NHLRC2: variants seen among roughly 807,000 people sequenced by gnomAD.
NHLRC2 encodes NHL repeat containing 2, also known as NHL repeat-containing protein 2.
NHLRC2 carries 33 observed loss-of-function variants against 68.1 expected under a neutral mutation model. The observed-to-expected ratio is 0.48, with a 90% CI of 0.37 to 0.65. The LOEUF (loss-of-function observed/expected upper bound fraction) is 0.65, where lower values mean the gene tolerates loss of function less well. NHLRC2 is among the 30% of genes least tolerant of loss of function. NHLRC2 has a pLI of 0.00. For synonymous variants in NHLRC2, 311 were observed against 309.6 expected (o/e 1.00, Z -0.05); for missense variants, 761 against 853.8 (o/e 0.89, Z 1.35).
intron 5 of NHLRC2, among the ~76,000 whole-genome samples, chr10:113,891,212 C>T (rs1000904348): frequency 6.6e-6 from 1 of 152,162 alleles, no homozygotes; most frequent in Admixed American, 6.5e-5. Flanking sequence ...CTTACAGATT[C>T]ATCTCTGCTG....
rs114162728 is a variant in NHLRC2 at position 113,883,915 on chromosome 10, T to C, written c.910-336T>C. ...AACTGAAATATGTGCATTTAATTTT[T>C]AGAAACATGTATTTTGCTACATTGT... On this transcript the variant is annotated intron_variant, in intron 4 of 10. Transcript: ENST00000369301. Among the ~76,000 whole-genome samples, 533 of 152,016 alleles carry C rather than the reference T, an allele frequency of 3.5e-3. 3 individuals are homozygous for C. Among genetic ancestry groups the C allele is most frequent in the African/African-American group, 0.012 (501 of 41,558 alleles).
intron 2 of NHLRC2, among the ~76,000 whole-genome samples, chr10:113,867,793 G>A (rs1400811249): frequency 6.6e-6 from 1 of 151,974 alleles, no homozygotes; most frequent in East Asian, 1.9e-4. Context: ...GCCTCAAATA[G>A]TCTCAATCCT....
In NHLRC2 at chr10:113,915,325, T is replaced by A. The variant is rs1397145445; in HGVS notation, c.*6789T>A. 4.7e-6 allele frequency: 2 copies of A among 424,906 alleles called. No homozygotes were observed. Among genetic ancestry groups the A allele is most frequent in the Admixed American group, 2.6e-5 (1 of 38,444 alleles). 26.3% of individuals were successfully genotyped at this position (424,906 alleles called of 1,614,324 possible). A position where few individuals can be genotyped will look rare whatever the true frequency, so the allele number is the denominator to read the frequency against. ...AGCACAAATGAACACTAAATAGCCT[T>A]ATACCAAAAAGCATTCTTGTAACTG... is the stretch of plus-strand genomic sequence containing the variant. On this transcript the variant is annotated 3_prime_UTR_variant, in exon 11 of 11. Coordinates refer to ENST00000369301, the MANE Select transcript of NHLRC2 (RefSeq NM_198514.4).
Position 113,908,309 on chromosome 10 carries a change from G to A in NHLRC2, c.1954G>A (p.Ala652Thr). ...TGAATGGCTACTTCAAGGACAGATA[G>A]CAGCTGGAGATATAGAGAACATTTC... ...GNEWLLQGQI[A>T]AGDIENISSQ... Residue 652 changes from alanine to threonine, a missense_variant, in exon 11 of 11, where the codon GCA (alanine) becomes ACA (threonine). Coordinates refer to ENST00000369301, the MANE Select transcript of NHLRC2 (RefSeq NM_198514.4). The A allele has an allele frequency of 1.9e-6, 3 of 1,613,258 alleles. No individual in the cohort carries two copies. The South Asian group carries it at 3.3e-5, about 18-fold the overall frequency.
At chr10:113,886,216 A>G (rs1398313652) in intron 5 of NHLRC2, among the ~76,000 whole-genome samples, 2 of 152,146 alleles carry the variant, frequency 1.3e-5, no homozygotes, top group African/African-American at 2.4e-5. Context: ...AAAACTATAA[A>G]ACATTGATGA....
At chr10:113,902,657 A>T (rs1179875738) in intron 8 of NHLRC2, 64 bp downstream of exon 8, 1 of 1,428,026 alleles carries the variant, frequency 7.0e-7, no homozygotes, top group Non-Finnish European at 9.7e-7. Flanking sequence ...ATGCTGAAAG[A>T]TCTGTGAGCC....
At chr10:113,897,502 T>A (rs1049315238) in intron 5 of NHLRC2, among the ~76,000 whole-genome samples, 1 of 152,222 alleles carries the variant, frequency 6.6e-6, no homozygotes, top group African/African-American at 2.4e-5. Context: ...ATTTGAGTGA[T>A]ATTGCCTCCA....
At chr10:113,855,567 A>G (rs1845742493) in intron 1 of NHLRC2, among the ~76,000 whole-genome samples, 1 of 151,974 alleles carries the variant, frequency 6.6e-6, no homozygotes, top group African/African-American at 2.4e-5. Context: ...TCCCAGGTTC[A>G]GGCGATTCAC....
rs555746047 is a variant in NHLRC2 at position 113,910,050 on chromosome 10, G to T, written c.*1514G>T. 6.6e-6 allele frequency: 1 copy of T among 152,188 alleles called. No homozygotes were observed. The highest frequency in any genetic ancestry group is 1.5e-5 in the Non-Finnish European group (1 of 68,004). 9.4% of individuals were successfully genotyped at this position (152,188 alleles called of 1,614,324 possible). ...CATCTACTGAAGCTACTTTTAAAGA[G>T]AAATATAGATATAAAATTAAAAGGA... On this transcript the variant is annotated 3_prime_UTR_variant, in exon 11 of 11. Coordinates refer to ENST00000369301, the MANE Select transcript of NHLRC2 (RefSeq NM_198514.4).
intron 5 of NHLRC2, 76 bp downstream of exon 5, chr10:113,884,456 C>A: frequency 1.7e-6 from 2 of 1,196,300 alleles, no homozygotes; most frequent in Non-Finnish European, 2.4e-6. Context: ...TTGAGGTGGT[C>A]ATTTGGATTC....
chr10:113,860,028 G>C (rs919584561), intron 2 of NHLRC2, among the ~76,000 whole-genome samples: 1 of 152,178 alleles, frequency 6.6e-6, no homozygotes, highest in African/African-American at 2.4e-5. Context: ...TGGCAAGATT[G>C]TAAGAGTTCA....
chr10:113,903,244 T>G (rs75397433), intron 8 of NHLRC2, among the ~76,000 whole-genome samples: 1,707 of 152,262 alleles, frequency 0.011, 29 homozygotes, highest in African/African-American at 0.037. Context: ...AAAAAAAATT[T>G]TTTTTAATTC....
intron 5 of NHLRC2, among the ~76,000 whole-genome samples, chr10:113,896,764 G>A (rs1252257709): frequency 6.6e-6 from 1 of 152,080 alleles, no homozygotes; most frequent in Non-Finnish European, 1.5e-5. Context: ...GGAGGCTGAG[G>A]TGGGCAGATC....
chr10:113,878,348 A>G (rs566054054), intron 3 of NHLRC2, among the ~76,000 whole-genome samples: 24 of 152,280 alleles, frequency 1.6e-4, no homozygotes, highest in African/African-American at 5.8e-4. Context: ...TAGACACTAT[A>G]TGTCTGGCAT....
chr10:113,876,788 A>G lies in NHLRC2; in HGVS notation c.599A>G (p.Asp200Gly), dbSNP rs1327356288. The G allele has an allele frequency of 6.2e-6, 10 of 1,612,228 alleles. No individual in the cohort carries two copies. The South Asian group carries it at 9.9e-5, about 16-fold the overall frequency. ...YTSIALKYYK[D>G]RGQIRDNKIG... The stretch of plus-strand genomic sequence containing the variant: ...TCAATTGCTTTAAAGTATTACAAAG[A>G]CAGGGGGCAGATCAGAGATAATAAA... The change falls in exon 3 of 11, where the codon GAC becomes GGC. Residue 200 changes from aspartate (D) to glycine (G), a missense_variant. Asp to Gly is a moderately conservative substitution (Grantham distance 94, BLOSUM62 -1). Transcript: ENST00000369301.
chr10:113,902,530 C>A lies in NHLRC2; in HGVS notation c.1431C>A (p.Pro477=). The A allele has an allele frequency of 6.2e-7, 1 of 1,606,634 alleles. No homozygotes were observed. The highest frequency in any genetic ancestry group is 8.5e-7 in the Non-Finnish European group (1 of 1,175,122). ...GAATCAATGCAAAGCTTCAACACCC[C>A]CTTGGAGTAACATGGGACAAAAAAA... The part of the protein sequence containing the change: ...GVGINAKLQH[P]LGVTWDKKRN... Residue 477 remains proline (P), a synonymous_variant, in exon 8 of 11, where the codon CCC becomes CCA. Transcript: ENST00000369301.
chr10:113,854,832 T>C lies in NHLRC2; in HGVS notation c.-41T>C, dbSNP rs1178818654. Reference sequence around the variant, plus strand: ...CGTTTCGTCTCTCCCAGCGAGACTCTCCCGCGGGCCCGGCGGCCGCATCGG... The same window carrying C: ...CGTTTCGTCTCTCCCAGCGAGACTCCCCCGCGGGCCCGGCGGCCGCATCGG... On this transcript the variant is annotated 5_prime_UTR_variant, in exon 1 of 11. Coordinates refer to ENST00000369301, the MANE Select transcript of NHLRC2 (RefSeq NM_198514.4). 1.3e-6 allele frequency: 2 copies of C among 1,514,918 alleles called. No homozygotes were observed. The highest frequency in any genetic ancestry group is 8.8e-7 in the Non-Finnish European group (1 of 1,130,698). The allele number at this position is 1,514,918 out of a possible 1,614,324, so 93.8% of individuals were successfully genotyped here.
chr10:113,887,215 G>A (rs1435656584), intron 5 of NHLRC2, among the ~76,000 whole-genome samples: 1 of 152,170 alleles, frequency 6.6e-6, no homozygotes, highest in Non-Finnish European at 1.5e-5. Context: ...GATAAATGTT[G>A]ATGAGGATGC....
chr10:113,862,220 T>C (rs556183803), intron 2 of NHLRC2, among the ~76,000 whole-genome samples: 2 of 152,018 alleles, frequency 1.3e-5, no homozygotes, highest in Non-Finnish European at 2.9e-5. Flanking sequence ...TTAAAGTAAT[T>C]ATTAGTTTAT....
Sources: gnomAD v4.1 joint callset for allele counts (sites outside exome capture counted in the v4.1 genomes callset) on GRCh38, gnomAD v4.1.1 for gene constraint, MANE v1.5 for transcripts, NCBI Gene and HGNC (gene_info 2026-07-23, HGNC 2026-07-21) for gene names.